Variants in TRPM6 observed in about 807,000 individuals in gnomAD.
TRPM6 encodes channel kinase 2.
Under a neutral mutation model 247.6 loss-of-function variants are expected in TRPM6, and 111 were observed. That is an observed-to-expected ratio of 0.45 (90% confidence interval 0.38 to 0.52). TRPM6 has a LOEUF of 0.52. TRPM6 is among the 20% of genes least tolerant of loss of function. The probability of loss-of-function intolerance (pLI) is 0.00; values close to 1 mark genes in which losing one functional copy is unlikely to be tolerated. For synonymous variants in TRPM6, 892 were observed against 853.8 expected (o/e 1.04, Z -0.78); for missense variants, 2,126 against 2,421.5 (o/e 0.88, Z 2.56).
intron 7 of TRPM6, among the ~76,000 whole-genome samples, chr9:74,824,616 C>A (rs1455026106): frequency 6.8e-6 from 1 of 146,838 alleles, no homozygotes; most frequent in African/African-American, 2.5e-5. Context: ...AGAAATCTCA[C>A]TAGAGAGCTG....
chr9:74,732,119 C>T (rs369049677), intron 37 of TRPM6, among the ~76,000 whole-genome samples: 1 of 152,164 alleles, frequency 6.6e-6, no homozygotes, highest in African/African-American at 2.4e-5. Context: ...CATGGGAATT[C>T]AAGGGGCAGG....
intron 1 of TRPM6, chr9:74,887,547 C>T (rs1424257919): frequency 2.1e-6 from 3 of 1,397,502 alleles, no homozygotes; most frequent in African/African-American, 2.8e-5. Context: ...GCTAGGTTTC[C>T]GCTCTGACAC....
chr9:74,873,501 T>TA (rs1831091728), intron 1 of TRPM6, among the ~76,000 whole-genome samples: 1 of 152,218 alleles, frequency 6.6e-6, no homozygotes, highest in Non-Finnish European at 1.5e-5. Flanking sequence ...TATAAGCACA[T>TA]ACGAGAATTA....
intron 25 of TRPM6, among the ~76,000 whole-genome samples, chr9:74,769,855 A>T (rs1056792811): frequency 1.3e-5 from 2 of 151,920 alleles, no homozygotes; most frequent in African/African-American, 4.8e-5. Flanking sequence ...CCATATAACT[A>T]GTAAGTGCCT....
intron 9 of TRPM6, among the ~76,000 whole-genome samples, chr9:74,819,285 G>A (rs1309353251): frequency 6.6e-6 from 1 of 151,782 alleles, no homozygotes; most frequent in East Asian, 1.9e-4. Flanking sequence ...CTCCAGCCTA[G>A]GTGACAGAGT....
At chr9:74,832,620 G>C (rs1005063281) in intron 6 of TRPM6, among the ~76,000 whole-genome samples, 1 of 152,160 alleles carries the variant, frequency 6.6e-6, no homozygotes, top group Admixed American at 6.5e-5. Flanking sequence ...GGAGGGTGTC[G>C]GCTGAATGGA....
At chr9:74,850,720 CA>C (rs912814141) in intron 3 of TRPM6, among the ~76,000 whole-genome samples, 1 of 144,604 alleles carries the variant, frequency 6.9e-6, no homozygotes, top group African/African-American at 2.6e-5. Context: ...AACTTCGTCT[CA>C]AAAAAAAACA....
chr9:74,792,224 G>A (rs1411190109), intron 19 of TRPM6, among the ~76,000 whole-genome samples: 1 of 152,184 alleles, frequency 6.6e-6, no homozygotes, highest in African/African-American at 2.4e-5. Context: ...ACTCTGATAG[G>A]AGTGCCGAGA....
chr9:74,762,228 G>A lies in TRPM6; in HGVS notation c.4443C>T (p.Asp1481=), dbSNP rs918951814. The change falls in exon 26 of 39, where the codon GAC becomes GAT. Residue 1481 remains aspartate, a synonymous_variant. Coordinates refer to ENST00000360774, the MANE Select transcript of TRPM6 (RefSeq NM_017662.5). Reference sequence around the variant, plus strand: ...GCTGTTCACTCCGAGAGGAATCACTGTCACAAGTGGAGGGCAAGCAGGTTT... The same window carrying A: ...GCTGTTCACTCCGAGAGGAATCACTATCACAAGTGGAGGGCAAGCAGGTTT... The part of the protein sequence containing the change: ...KWQTCLPSTC[D]SDSSRSEQHQ... 6.2e-7 allele frequency: 1 copy of A among 1,614,078 alleles called. No homozygotes were observed. Among genetic ancestry groups the A allele is most frequent in the Non-Finnish European group, 8.5e-7 (1 of 1,180,044 alleles).
In TRPM6 at chr9:74,809,980, A is replaced by G. The variant is rs78800394; in HGVS notation, c.1497+835T>C. On this transcript the variant is annotated intron_variant, in intron 13 of 38. Transcript: ENST00000360774. The stretch of plus-strand genomic sequence containing the variant: ...GGCAAGAGCAAAACTCCATCTCAAA[A>G]AAAAAAAAAAAAAAAAAAAAAACAA... 2.5e-3 allele frequency among the ~76,000 whole-genome samples: 364 copies of G among 145,716 alleles called. 2 individuals are homozygous for G. The highest frequency in any genetic ancestry group is 8.8e-3 in the African/African-American group (355 of 40,248).
chr9:74,878,940 T>C (rs1831274524), intron 1 of TRPM6, among the ~76,000 whole-genome samples: 1 of 152,156 alleles, frequency 6.6e-6, no homozygotes, highest in South Asian at 2.1e-4. Context: ...GCCATTGAGC[T>C]ATGATTGTAC....
rs138477925 is a variant in TRPM6 at position 74,728,932 on chromosome 9, A to G, written c.5829-587T>C. Among the ~76,000 whole-genome samples the G allele has an allele frequency of 4.7e-4, 72 of 152,318 alleles. 1 individual carries two copies. The East Asian group carries it at 0.011, about 23-fold the overall frequency. On this transcript the variant is annotated intron_variant, in intron 37 of 38. Transcript: ENST00000360774. ...TGTGGAAAGACAAGACTATGACACA[A>G]TGTGTTGGTGGAAGTAAAGTACATA...
intron 37 of TRPM6, among the ~76,000 whole-genome samples, chr9:74,729,326 G>A (rs1359710236): frequency 6.6e-6 from 1 of 152,142 alleles, no homozygotes; most frequent in Non-Finnish European, 1.5e-5. Flanking sequence ...TTTTTCAAAA[G>A]GGACGTGGTG....
intron 19 of TRPM6, among the ~76,000 whole-genome samples, chr9:74,788,985 T>A (rs1326298876): frequency 1.3e-5 from 2 of 152,174 alleles, no homozygotes; most frequent in African/African-American, 4.8e-5. Context: ...GAAGGACACA[T>A]TGTGCCTTTC....
At position 74,739,466 on chromosome 9, in the gene TRPM6, A is replaced by T. The variant is rs749130622; in HGVS notation, c.5488-17T>A. 1.9e-6 allele frequency: 3 copies of T among 1,608,918 alleles called. No homozygotes were observed. The highest frequency in any genetic ancestry group is 2.6e-6 in the Non-Finnish European group (3 of 1,175,296). ...TTGAATTTCCTACAAAATAGGGAGC[A>T]CTGATAAAAATACTGATTTACTGTT... On this transcript the variant is annotated splice_polypyrimidine_tract_variant and intron_variant, in intron 34 of 38. Transcript: ENST00000360774.
chr9:74,822,351 G>A (rs1448547459), intron 7 of TRPM6, among the ~76,000 whole-genome samples: 4 of 151,966 alleles, frequency 2.6e-5, no homozygotes, highest in East Asian at 3.9e-4. Context: ...CCAGGCTCAC[G>A]CAATCCTCCT....
At chr9:74,800,527 A>C (rs779783155) in intron 16 of TRPM6, 45 bp from the exon 17 acceptor site, 1 of 1,322,722 alleles carries the variant, frequency 7.6e-7, no homozygotes, top group South Asian at 1.2e-5. Context: ...CAGGTGAGAG[A>C]GCTGCATTAT....
At chr9:74,864,038 C>A (rs1830771998) in intron 1 of TRPM6, among the ~76,000 whole-genome samples, 2 of 152,144 alleles carry the variant, frequency 1.3e-5, no homozygotes, top group African/African-American at 4.8e-5. Context: ...GAACTGATAA[C>A]TGACTCCGAT....
At position 74,809,972 on chromosome 9, in the gene TRPM6, A is replaced by T. The variant is rs12377181; in HGVS notation, c.1497+843T>A. On this transcript the variant is annotated intron_variant, in intron 13 of 38. Transcript: ENST00000360774. Reference sequence around the variant, plus strand: ...CCAGCCTGGGCAAGAGCAAAACTCCATCTCAAAAAAAAAAAAAAAAAAAAA... The same window carrying T: ...CCAGCCTGGGCAAGAGCAAAACTCCTTCTCAAAAAAAAAAAAAAAAAAAAA... 2.2e-3 allele frequency among the ~76,000 whole-genome samples: 237 copies of T among 107,832 alleles called. 4 individuals carry two copies. Among genetic ancestry groups the T allele is most frequent in the African/African-American group, 8.7e-3 (225 of 25,844 alleles). The allele number at this position is 107,832 out of a possible 152,430, so 70.7% of individuals were successfully genotyped here.
Sources: allele counts gnomAD v4.1 joint callset (sites outside exome capture counted in the v4.1 genomes callset), GRCh38; gene constraint gnomAD v4.1.1; transcripts MANE v1.5; gene names NCBI Gene and HGNC (gene_info 2026-07-23, HGNC 2026-07-21).